The following SSC5D variants were observed in gnomAD, a reference collection of about 807,000 sequenced individuals.
SSC5D encodes scavenger receptor cysteine rich family member with 5 domains.
In SSC5D, 106 loss-of-function variants were observed where a neutral mutation model predicts 104.6. That is an observed-to-expected ratio of 1.01 (90% confidence interval 0.87 to 1.19). The LOEUF is 1.19. Ranked by LOEUF, SSC5D falls within the 50% of genes most tolerant of loss-of-function variation. The pLI is 0.00. For synonymous variants in SSC5D, 860 were observed against 883.5 expected (o/e 0.97, Z 0.47); for missense variants, 1,993 against 2,153.8 (o/e 0.93, Z 1.48).
In SSC5D at chr19:55,500,640, T is replaced by G; in HGVS notation, c.2453T>G (p.Val818Gly). The change falls in exon 11 of 14, where the codon GTC (valine) becomes GGC (glycine). Residue 818 changes from valine (V) to glycine (G), a missense_variant. Val to Gly is a moderately radical substitution (Grantham distance 109, BLOSUM62 -3). Coordinates refer to ENST00000389623, the MANE Select transcript of SSC5D (RefSeq NM_001144950.2). The surrounding 1 kb of genome is among the most constrained non-coding windows in gnomAD (Gnocchi z 4.6). ...TGCTGGGAACTGGGCTGTGGAAAGG[T>G]CCGGCCTCGAGTAGGCAAAACCCAT... ...VACWELGCGK[V>G]RPRVGKTHYG... 2 of 1,551,622 alleles carry G rather than the reference T, an allele frequency of 1.3e-6. No homozygotes were observed. Among genetic ancestry groups the G allele is most frequent in the Non-Finnish European group, 1.7e-6 (2 of 1,146,974 alleles).
At position 55,503,149 on chromosome 19, in the gene SSC5D, C is replaced by G. The variant is rs1987553354; in HGVS notation, c.2785+1948C>G. ...CGAGATGGGTTCTCACTATGTTGCCCAGGCTGGTCTCAAACTCTTGGGCTC... is the reference window on the plus strand; with the variant it reads ...CGAGATGGGTTCTCACTATGTTGCCGAGGCTGGTCTCAAACTCTTGGGCTC... On this transcript the variant is annotated intron_variant, in intron 12 of 13. Transcript: ENST00000389623. This position sits in a 1 kb window ranked among gnomAD's most constrained non-coding sequence, Gnocchi z 4.0. 6.6e-6 allele frequency among the ~76,000 whole-genome samples: 1 copy of G among 152,090 alleles called. No homozygotes were observed. Among genetic ancestry groups the G allele is most frequent in the South Asian group, 2.1e-4 (1 of 4,826 alleles).
At position 55,501,130 on chromosome 19, in the gene SSC5D, A is replaced by T. The variant is rs1450286485; in HGVS notation, c.2714A>T (p.His905Leu). 5 of 1,551,224 alleles carry T rather than the reference A, an allele frequency of 3.2e-6. No homozygotes were observed. Among genetic ancestry groups the T allele is most frequent in the Admixed American group, 2.0e-5 (1 of 50,910 alleles). ...ACTACCACAGCGGGGGTACCTGGAC[A>T]CACTCTCCCCTGGAGGACCACCCGG... ...KGTTTAGVPG[H>L]TLPWRTTRRP... The change falls in exon 12 of 14, where the codon CAC becomes CTC. Residue 905 changes from histidine (H) to leucine (L), a missense_variant. Around this residue, in one of 6 missense-constraint regions of SSC5D, gnomAD observed 423 missense variants for 409.2 expected, o/e 1.03. Coordinates refer to ENST00000389623, the MANE Select transcript of SSC5D (RefSeq NM_001144950.2).
chr19:55,511,074 C>T (rs116095945), intron 12 of SSC5D, among the ~76,000 whole-genome samples: 1,973 of 152,252 alleles, frequency 0.013, 41 homozygotes, highest in African/African-American at 0.044. Flanking sequence ...CCACCACACC[C>T]GGCCATTACC....
chr19:55,505,007 C>G (rs1157408801), intron 12 of SSC5D, among the ~76,000 whole-genome samples: 1 of 148,308 alleles, frequency 6.7e-6, no homozygotes, highest in Non-Finnish European at 1.5e-5. Flanking sequence ...TGATTTCACA[C>G]GTTTTGCTCC....
At position 55,513,287 on chromosome 19, in the gene SSC5D, C is replaced by A. The variant is rs1987799483; in HGVS notation, c.2947+115C>A. The stretch of plus-strand genomic sequence containing the variant: ...CCCAGAAAGACTCAGCAGAAATATA[C>A]CCTAAAACAAAGGGTTATCGGCTGA... On this transcript the variant is annotated intron_variant, in intron 13 of 13. Transcript: ENST00000389623. The A allele has an allele frequency of 6.2e-6, 7 of 1,128,170 alleles. No homozygotes were observed. In the East Asian group the frequency reaches 1.9e-4, roughly 31 times the overall value. The allele number at this position is 1,128,170 out of a possible 1,614,324, so 69.9% of individuals were successfully genotyped here.
rs1485678946 is a variant in SSC5D, at chr19:55,503,174, C to G, written c.2785+1973C>G. Among the ~76,000 whole-genome samples, 1 of 152,140 alleles carries G rather than the reference C, an allele frequency of 6.6e-6. No homozygotes were observed. The highest frequency in any genetic ancestry group is 1.5e-5 in the Non-Finnish European group (1 of 68,022). On this transcript the variant is annotated intron_variant, in intron 12 of 13. Coordinates refer to ENST00000389623, the MANE Select transcript of SSC5D (RefSeq NM_001144950.2). This position sits in a 1 kb window ranked among gnomAD's most constrained non-coding sequence, Gnocchi z 4.0. The stretch of plus-strand genomic sequence containing the variant: ...CAGGCTGGTCTCAAACTCTTGGGCT[C>G]AAGTCATCGGCTTGCTGCGGCCTCC...
At position 55,501,186 on chromosome 19, in the gene SSC5D, C is replaced by T. The variant is rs1394330042; in HGVS notation, c.2770C>T (p.Arg924Cys). The change falls in exon 12 of 14, where the codon CGC becomes TGC. Residue 924 changes from arginine (R) to cysteine (C), a missense_variant. Arg to Cys is a radical substitution (Grantham distance 180). Coordinates refer to ENST00000389623, the MANE Select transcript of SSC5D (RefSeq NM_001144950.2). ...RPGSSSPAIR[R>C]LPDTGSKDGY... ...GGGTAGCTCCTCCCCAGCAATAAGGCGCCTGCCGGACACAGGTGAGAGGCC... is the reference window on the plus strand; with the variant it reads ...GGGTAGCTCCTCCCCAGCAATAAGGTGCCTGCCGGACACAGGTGAGAGGCC... 22 of 1,533,946 alleles carry T rather than the reference C, an allele frequency of 1.4e-5. 1 individual carries two copies. Among genetic ancestry groups the T allele is most frequent in the East Asian group, 4.9e-5 (2 of 40,806 alleles).
intron 5 of SSC5D, 66 bp downstream of exon 5, chr19:55,490,474 C>T: frequency 3.1e-6 from 2 of 637,494 alleles, no homozygotes; most frequent in Non-Finnish European, 5.5e-6. Flanking sequence ...CCCAGAAAAA[C>T]TGAGGACCTG....
intron 13 of SSC5D, among the ~76,000 whole-genome samples, chr19:55,515,423 AT>A (rs1987849825): frequency 6.9e-6 from 1 of 145,216 alleles, no homozygotes; most frequent in South Asian, 2.1e-4. Context: ...AAAAAGTTAA[AT>A]GAATTAACAC....
intron 12 of SSC5D, among the ~76,000 whole-genome samples, chr19:55,507,405 C>T (rs1272729323): frequency 6.7e-6 from 1 of 148,800 alleles, no homozygotes; most frequent in East Asian, 2.0e-4. Flanking sequence ...CGGTGCCTCA[C>T]TCTAGTCCCA....
At chr19:55,514,056 C>G (rs1453057321) in intron 13 of SSC5D, among the ~76,000 whole-genome samples, 1 of 152,164 alleles carries the variant, frequency 6.6e-6, no homozygotes, top group Non-Finnish European at 1.5e-5. Flanking sequence ...GGAAGACAGG[C>G]AACCCCACTG....
At position 55,491,074 on chromosome 19, in the gene SSC5D, T is replaced by C; in HGVS notation, c.889T>C (p.Cys297Arg). 4 of 1,548,960 alleles carry C rather than the reference T, an allele frequency of 2.6e-6. No homozygotes were observed. The highest frequency in any genetic ancestry group is 2.6e-6 in the Non-Finnish European group (3 of 1,146,206). The change falls in exon 6 of 14, where the codon TGC (cysteine) becomes CGC (arginine). Residue 297 changes from cysteine to arginine, a missense_variant. Transcript: ENST00000389623. ...CCACAGCGAGGATGCGGGGCTGGTC[T>C]GCACCGGTACGTCGGGCTGGGGCCT... The part of the protein sequence containing the change: ...CDHSEDAGLV[C>R]TGPAPRLRLA...
rs1457651443 is a variant in SSC5D at position 55,490,829 on chromosome 19, A to ACGG, written c.648_650dup (p.Gly217dup). 1.3e-6 allele frequency: 2 copies of ACGG among 1,547,064 alleles called. No homozygotes were observed. Among genetic ancestry groups the ACGG allele is most frequent in the African/African-American group, 2.7e-5 (2 of 72,902 alleles). On this transcript the variant is annotated inframe_insertion, in exon 6 of 14. Coordinates refer to ENST00000389623, the MANE Select transcript of SSC5D (RefSeq NM_001144950.2). ...TGCGCCGGACGCCTGGAGGTCTGGC[A>ACGG]CGGCGGGCGCTGGGGCACCGTATGT... is the stretch of plus-strand genomic sequence containing the variant.
intron 12 of SSC5D, among the ~76,000 whole-genome samples, chr19:55,512,772 G>A (rs561827770): frequency 2.6e-5 from 4 of 152,208 alleles, no homozygotes; most frequent in South Asian, 4.1e-4. Context: ...CTTGAGCCAC[G>A]GCGCCAGGCC....
At position 55,490,405 on chromosome 19, in the gene SSC5D, C is replaced by T. The variant is rs901302570; in HGVS notation, c.583C>T (p.Gln195Ter). The part of the protein sequence containing the change: ...APLLTTGAPR[Q>*]ERLRLVSGPH... ...TCTGCTGACGACAGGAGCCCCCCGC[C>T]AAGGTAAGCTCCCTGCAGGCTCCCC... Residue 195 changes from glutamine (Q) to a stop codon, truncating the protein, a stop_gained, in exon 5 of 14, where the codon CAA becomes TAA. Transcript: ENST00000389623. LOFTEE classifies it high-confidence loss of function. The T allele has an allele frequency of 5.3e-6, 7 of 1,331,200 alleles. No homozygotes were observed. Among genetic ancestry groups the T allele is most frequent in the Admixed American group, 2.4e-5 (1 of 42,548 alleles). The allele number at this position is 1,331,200 out of a possible 1,614,324, so 82.5% of individuals were successfully genotyped here.
intron 12 of SSC5D, among the ~76,000 whole-genome samples, chr19:55,502,665 CTCT>C (rs1446492375): frequency 1.3e-5 from 2 of 151,992 alleles, no homozygotes; most frequent in African/African-American, 4.8e-5. Flanking sequence ...ATTTCTCTCT[CTCT>C]TTTTTGAGAC....
chr19:55,497,901 T>C lies in SSC5D; in HGVS notation c.1409T>C (p.Val470Ala). 6.5e-7 allele frequency: 1 copy of C among 1,542,442 alleles called. No individual in the cohort carries two copies. The highest frequency in any genetic ancestry group is 8.8e-7 in the Non-Finnish European group (1 of 1,139,646). Residue 470 changes from valine to alanine, a missense_variant, in exon 9 of 14, where the codon GTG becomes GCG. Physicochemically the swap from Val to Ala is moderately conservative, Grantham distance 64. This residue lies in a region of SSC5D where 1,101 missense variants were observed against 1,085.0 expected (regional missense o/e 1.01). Coordinates refer to ENST00000389623, the MANE Select transcript of SSC5D (RefSeq NM_001144950.2). ...PEAGSPQLRL[V>A]AGPSKCSGRL... ...CCAGGGTCCCCCCAGCTGCGCCTGG[T>C]GGCTGGGCCCAGCAAGTGCTCAGGT...
chr19:55,493,565 T>C (rs2902752), intron 6 of SSC5D, 30 bp from the exon 7 acceptor site: 329,059 of 1,405,714 alleles, frequency 0.23, 41,190 homozygotes, highest in East Asian at 0.49. Flanking sequence ...CCTCGTTTCC[T>C]GGCCCTGTGC....
chr19:55,517,160 G>A (rs1599931407), intron 13 of SSC5D, 64 bp from the exon 14 acceptor site: 1 of 1,412,692 alleles, frequency 7.1e-7, no homozygotes, highest in East Asian at 2.5e-5. Context: ...GGGGCGGGGC[G>A]GGACGCGTGG....
Sources: gnomAD v4.1 joint callset for allele counts (sites outside exome capture counted in the v4.1 genomes callset) on GRCh38, gnomAD v4.1.1 for gene constraint, gnomAD v4.1.1 regional missense constraint, Gnocchi (gnomAD v3.1) non-coding constraint, MANE v1.5 for transcripts, NCBI Gene and HGNC (gene_info 2026-07-23, HGNC 2026-07-21) for gene names.